THSD7B: variants seen among roughly 807,000 people sequenced by gnomAD.
The protein encoded by THSD7B is thrombospondin type-1 domain-containing protein 7B.
A neutral mutation model predicts 213.6 loss-of-function variants in THSD7B; 138 were observed. The ratio of observed to expected loss-of-function variants is 0.65; its 90% CI spans 0.56 to 0.74. The LOEUF (loss-of-function observed/expected upper bound fraction) is 0.74, where lower values mean the gene tolerates loss of function less well. Among genes scored for constraint, THSD7B ranks in the 30% least tolerant of loss-of-function variants. The pLI is 0.00. For synonymous variants in THSD7B, 742 were observed against 687.0 expected (o/e 1.08, Z -1.25); for missense variants, 1,931 against 1,991.5 (o/e 0.97, Z 0.58).
At chr2:137,585,294 C>G (rs1573725884) in intron 17 of THSD7B, among the ~76,000 whole-genome samples, 2 of 152,084 alleles carry the variant, frequency 1.3e-5, no homozygotes, top group East Asian at 3.9e-4. Context: ...AAAACCAGCT[C>G]CTGGATTTAT....
intron 1 of THSD7B, among the ~76,000 whole-genome samples, chr2:136,821,378 C>T (rs1682561034): frequency 6.6e-6 from 1 of 152,054 alleles, no homozygotes. Flanking sequence ...CTGGAAACTC[C>T]ATCCTGTGTT....
intron 15 of THSD7B, among the ~76,000 whole-genome samples, chr2:137,537,091 G>C (rs552488831): frequency 6.6e-6 from 1 of 151,882 alleles, no homozygotes; most frequent in South Asian, 2.1e-4. Flanking sequence ...TGAAGCAAGT[G>C]ATACACCCAA....
intron 15 of THSD7B, among the ~76,000 whole-genome samples, chr2:137,538,109 A>G (rs541473660): frequency 1.4e-4 from 22 of 151,784 alleles, no homozygotes; most frequent in Admixed American, 2.0e-4. Context: ...TTCCTGTGAT[A>G]AGCTGTGATT....
Position 137,515,209 on chromosome 2 carries a change from T to C in THSD7B, c.3139-48012T>C, listed in dbSNP as rs186716507. Among the ~76,000 whole-genome samples the C allele has an allele frequency of 1.3e-4, 20 of 152,298 alleles. No homozygotes were observed. In the East Asian group the frequency reaches 3.9e-3, roughly 29 times the overall value. The stretch of plus-strand genomic sequence containing the variant: ...GGAGGACCCTGATGAAGCTGGAGAC[T>C]CTGAGTTTGTAAACTCTGGTTAACT... On this transcript the variant is annotated intron_variant, in intron 15 of 27. Transcript: ENST00000409968.
intron 12 of THSD7B, among the ~76,000 whole-genome samples, chr2:137,301,939 T>C (rs1573944794): frequency 6.6e-6 from 1 of 152,048 alleles, no homozygotes; most frequent in African/African-American, 2.4e-5. Flanking sequence ...TACATGGTGG[T>C]TAAGTGGATA....
chr2:137,088,402 G>T (rs1024299147), intron 3 of THSD7B, among the ~76,000 whole-genome samples: 1 of 151,946 alleles, frequency 6.6e-6, no homozygotes, highest in South Asian at 2.1e-4. Context: ...TAAACAAATG[G>T]TACTGGGATA....
At chr2:137,053,682 T>C (rs1327959207) in intron 2 of THSD7B, among the ~76,000 whole-genome samples, 2 of 152,274 alleles carry the variant, frequency 1.3e-5, no homozygotes, top group Middle Eastern at 6.8e-3. Context: ...TTTTGAAGAT[T>C]GACCAGAAAT....
At chr2:136,847,630 A>G (rs1382870031) in intron 1 of THSD7B, among the ~76,000 whole-genome samples, 1 of 152,126 alleles carries the variant, frequency 6.6e-6, no homozygotes, top group Non-Finnish European at 1.5e-5. Flanking sequence ...ATGACTGCAT[A>G]TGATTGCTGG....
At chr2:136,869,027 C>A (rs548602904) in intron 1 of THSD7B, among the ~76,000 whole-genome samples, 30 of 152,088 alleles carry the variant, frequency 2.0e-4, no homozygotes, top group Middle Eastern at 3.4e-3. Flanking sequence ...TTTATTTTTT[C>A]TTTAGTGACT....
chr2:137,476,828 C>T (rs1005685454), intron 15 of THSD7B, among the ~76,000 whole-genome samples: 5 of 152,202 alleles, frequency 3.3e-5, no homozygotes, highest in Non-Finnish European at 7.4e-5. Context: ...GCATGATCCA[C>T]TGTGCCCAGC....
intron 2 of THSD7B, among the ~76,000 whole-genome samples, chr2:136,998,905 AACAG>A (rs1266430740): frequency 1.6e-4 from 14 of 85,288 alleles, no homozygotes; most frequent in Non-Finnish European, 2.3e-4. Context: ...TTGAATACCC[AACAG>A]ACACACACAC....
At chr2:136,948,696 A>G (rs1684985274) in intron 2 of THSD7B, among the ~76,000 whole-genome samples, 1 of 152,198 alleles carries the variant, frequency 6.6e-6, no homozygotes, top group African/African-American at 2.4e-5. Context: ...AATAGCTAAA[A>G]TTAATTGAGC....
chr2:137,390,247 T>C (rs1308725013), intron 12 of THSD7B, among the ~76,000 whole-genome samples: 2 of 152,210 alleles, frequency 1.3e-5, no homozygotes, highest in Non-Finnish European at 2.9e-5. Context: ...GTTTTTCTTA[T>C]AGAGTTAGTT....
intron 12 of THSD7B, among the ~76,000 whole-genome samples, chr2:137,338,833 GAAAGAC>G (rs1684697096): frequency 6.6e-6 from 1 of 152,010 alleles, no homozygotes; most frequent in Admixed American, 6.6e-5. Context: ...TGTTGATGGA[GAAAGAC>G]AAAGACAAAG....
Position 137,326,481 on chromosome 2 carries a change from T to TA in THSD7B, c.2500+50463dup, listed in dbSNP as rs201256639. Among the ~76,000 whole-genome samples the TA allele has an allele frequency of 3.7e-3, 559 of 151,930 alleles. 3 individuals are homozygous for TA. The highest frequency in any genetic ancestry group is 0.013 in the African/African-American group (522 of 41,446). On this transcript the variant is annotated intron_variant, in intron 12 of 27. Transcript: ENST00000409968. ...AACTTGACCTAAAAACAACTAAATG[T>TA]AAAAAAAACTTCAAAGCAGGTTATA...
At chr2:137,671,297 T>TAA (rs895583187) in intron 27 of THSD7B, among the ~76,000 whole-genome samples, 1 of 150,980 alleles carries the variant, frequency 6.6e-6, no homozygotes, top group Non-Finnish European at 1.5e-5. Context: ...CCTCATTATG[T>TAA]AAAAGATTTT....
intron 12 of THSD7B, among the ~76,000 whole-genome samples, chr2:137,277,544 A>G (rs1415169267): frequency 6.6e-6 from 1 of 152,120 alleles, no homozygotes; most frequent in Non-Finnish European, 1.5e-5. Context: ...CAATAAGACT[A>G]AATACATCTC....
intron 15 of THSD7B, among the ~76,000 whole-genome samples, chr2:137,493,162 A>G (rs1558814843): frequency 6.6e-6 from 1 of 151,154 alleles, no homozygotes; most frequent in East Asian, 1.9e-4. Flanking sequence ...GAAAAGAAAA[A>G]GGAAAGAAAA....
At chr2:137,037,128 G>A (rs1686792880) in intron 2 of THSD7B, among the ~76,000 whole-genome samples, 1 of 151,848 alleles carries the variant, frequency 6.6e-6, no homozygotes, top group South Asian at 2.1e-4. Flanking sequence ...TTCCCCTAAG[G>A]GATTCCAAGC....
Sources: gnomAD v4.1 joint callset for allele counts (sites outside exome capture counted in the v4.1 genomes callset) on GRCh38, gnomAD v4.1.1 for gene constraint, MANE v1.5 for transcripts, NCBI Gene and HGNC (gene_info 2026-07-23, HGNC 2026-07-21) for gene names.